Variants in CFAP69 observed in about 807,000 individuals in gnomAD.
CFAP69 encodes the protein cilia and flagella associated protein 69.
Under a neutral mutation model 123.0 loss-of-function variants are expected in CFAP69, and 92 were observed. The ratio of observed to expected loss-of-function variants is 0.75; its 90% CI spans 0.63 to 0.89. The LOEUF is 0.89. CFAP69 is among the 40% of genes least tolerant of loss of function. The pLI, the probability that CFAP69 is intolerant of heterozygous loss-of-function variation, is 0.00. For missense variants in CFAP69, 1,067 were observed against 1,096.9 expected (o/e 0.97, Z 0.39); for synonymous variants, 380 against 364.3 (o/e 1.04, Z -0.49).
chr7:90,271,488 G>A lies in CFAP69; in HGVS notation c.533-38G>A, dbSNP rs1364348093. 6.4e-6 allele frequency: 10 copies of A among 1,559,874 alleles called. 1 individual carries two copies. The South Asian group carries it at 7.1e-5, about 11-fold the overall frequency. On this transcript the variant is annotated intron_variant, in intron 6 of 22. Coordinates refer to ENST00000389297, the MANE Select transcript of CFAP69 (RefSeq NM_001039706.3). ...TCTTTTGTCTTAATGATCATTCTGT[G>A]AGATAACTGTATGTATTTATTAATG...
rs1584571094 is a variant in CFAP69, at chr7:90,310,358, A to T, written c.*120A>T. ...ATTTTAGTATAAATATTTTAGTAAA[A>T]TACTATAAAAATAAAAGGACATATA... On this transcript the variant is annotated 3_prime_UTR_variant, in exon 23 of 23. Coordinates refer to ENST00000389297, the MANE Select transcript of CFAP69 (RefSeq NM_001039706.3). 2.0e-6 allele frequency: 1 copy of T among 492,126 alleles called. No individual in the cohort carries two copies. Among genetic ancestry groups the T allele is most frequent in the South Asian group, 8.4e-5 (1 of 11,974 alleles). 30.5% of individuals were successfully genotyped at this position (492,126 alleles called of 1,614,324 possible).
At chr7:90,279,523 T>C (rs1173489319) in intron 11 of CFAP69, among the ~76,000 whole-genome samples, 154 bp from the exon 12 acceptor site, 3 of 151,902 alleles carry the variant, frequency 2.0e-5, no homozygotes, top group Non-Finnish European at 4.4e-5. Flanking sequence ...TTTGGTGTTT[T>C]TTTTTTGGTA....
chr7:90,258,378 C>G (rs1797902521), intron 3 of CFAP69, among the ~76,000 whole-genome samples: 1 of 152,130 alleles, frequency 6.6e-6, no homozygotes. Flanking sequence ...GCTGGTTTCT[C>G]CTGAAGACTC....
rs772091291 is a variant in CFAP69 at position 90,310,167 on chromosome 7, C to A, written c.2755C>A (p.Arg919=). Residue 919 remains arginine, a synonymous_variant, in exon 23 of 23, where the codon CGA becomes AGA. Transcript: ENST00000389297. ...TATTGCTCTTAAAAAACTGCCCATT[C>A]GAGGAGGAGCCTTGCAGAGGGTGAA... The part of the protein sequence containing the change: ...TDIALKKLPI[R]GGALQRVKAV... The A allele has an allele frequency of 6.2e-7, 1 of 1,613,842 alleles. No individual in the cohort carries two copies. Among genetic ancestry groups the A allele is most frequent in the Non-Finnish European group, 8.5e-7 (1 of 1,179,882 alleles).
rs1170634374 is a variant in CFAP69 at position 90,255,408 on chromosome 7, T to G, written c.121-15T>G. 1.2e-6 allele frequency: 2 copies of G among 1,602,532 alleles called. No individual in the cohort carries two copies. The highest frequency in any genetic ancestry group is 2.2e-5 in the East Asian group (1 of 44,690). On this transcript the variant is annotated splice_polypyrimidine_tract_variant and intron_variant, in intron 1 of 22. Coordinates refer to ENST00000389297, the MANE Select transcript of CFAP69 (RefSeq NM_001039706.3). ...AGAAGATGATCTAGAATAGTAAGAG[T>G]TGTATGTTTTTTAGGATGTTTTCAA...
intron 1 of CFAP69, among the ~76,000 whole-genome samples, chr7:90,248,128 C>T (rs985833851): frequency 1.4e-4 from 21 of 152,176 alleles, no homozygotes; most frequent in African/African-American, 4.8e-4. Flanking sequence ...ATGCAGATTT[C>T]GGTCTGCTCA....
chr7:90,292,549 T>C (rs1297454426), intron 15 of CFAP69, among the ~76,000 whole-genome samples: 1 of 152,232 alleles, frequency 6.6e-6, no homozygotes, highest in African/African-American at 2.4e-5. Context: ...TGCAAATACC[T>C]ATATTGCCAT....
chr7:90,288,306 G>T lies in CFAP69; in HGVS notation c.1729G>T (p.Gly577Cys). 6.2e-7 allele frequency: 1 copy of T among 1,612,146 alleles called. No individual in the cohort carries two copies. Among genetic ancestry groups the T allele is most frequent in the Non-Finnish European group, 8.5e-7 (1 of 1,178,672 alleles). The change falls in exon 15 of 23, where the codon GGC (glycine) becomes TGC (cysteine). Residue 577 changes from glycine (G) to cysteine (C), a missense_variant. By Grantham distance (159) the Gly-to-Cys change is radical. Coordinates refer to ENST00000389297, the MANE Select transcript of CFAP69 (RefSeq NM_001039706.3). ...AACAGACCCCAGGAAGTTACAGAGT[G>T]GCTTAGGCTATAATGTACTTCTTTT... ...MKTDPRKLQS[G>C]LGYNVLLFST...
At chr7:90,302,270 T>C (rs1273259593) in intron 17 of CFAP69, 1 of 152,236 alleles carries the variant, frequency 6.6e-6, no homozygotes, top group Non-Finnish European at 1.5e-5. Flanking sequence ...ATTCTGTTGG[T>C]TGGCTTTTCA....
At chr7:90,309,395 T>C in intron 22 of CFAP69, 28 bp downstream of exon 22, 2 of 1,250,556 alleles carry the variant, frequency 1.6e-6, no homozygotes, top group East Asian at 4.8e-5. Context: ...TAACATTTTC[T>C]TAATAGACAT....
At chr7:90,318,019 C>T in the CFAP69 span, 1 of 152,294 alleles carries the variant, frequency 6.6e-6, no homozygotes, top group African/African-American at 2.4e-5. Flanking sequence ...GCATGTGAAT[C>T]TTGAAACTGT....
intron 5 of CFAP69, among the ~76,000 whole-genome samples, chr7:90,266,326 C>T (rs1366090868): frequency 6.6e-6 from 1 of 151,916 alleles, no homozygotes; most frequent in Non-Finnish European, 1.5e-5. Flanking sequence ...TTAGGTTAAA[C>T]ATGAAGGGGG....
chr7:90,254,077 C>A (rs1045033946), intron 1 of CFAP69, among the ~76,000 whole-genome samples: 1 of 152,074 alleles, frequency 6.6e-6, no homozygotes, highest in Non-Finnish European at 1.5e-5. Flanking sequence ...TTCCTGACAC[C>A]ATTTATTGAA....
chr7:90,307,713 CAAAA>C, intron 20 of CFAP69, 51 bp from the exon 21 acceptor site: 1 of 986,176 alleles, frequency 1.0e-6, no homozygotes, highest in Non-Finnish European at 1.4e-6. Flanking sequence ...GGTTCTGTCT[CAAAA>C]AAAAAAAAGA....
intron 12 of CFAP69, among the ~76,000 whole-genome samples, chr7:90,280,894 T>C (rs1789388640): frequency 6.6e-6 from 1 of 152,238 alleles, no homozygotes; most frequent in Non-Finnish European, 1.5e-5. Context: ...GGCTTTTTAT[T>C]CTCTAGTTTC....
At chr7:90,297,382 C>T (rs1276674569) in intron 15 of CFAP69, among the ~76,000 whole-genome samples, 1 of 152,004 alleles carries the variant, frequency 6.6e-6, no homozygotes, top group Non-Finnish European at 1.5e-5. Context: ...GGTTGGGGGG[C>T]TTAGAATTTT....
In CFAP69 at chr7:90,279,802, G is replaced by A; in HGVS notation, c.1281G>A (p.Leu427=). The change falls in exon 12 of 23, where the codon TTG becomes TTA. Residue 427 remains leucine (L), a synonymous_variant. Coordinates refer to ENST00000389297, the MANE Select transcript of CFAP69 (RefSeq NM_001039706.3). Reference sequence around the variant, plus strand: ...TACAACTGCATGCAATTGCCACTTTGTCATCAGTGGCTCCTTTATTAATAG... The same window carrying A: ...TACAACTGCATGCAATTGCCACTTTATCATCAGTGGCTCCTTTATTAATAG... The part of the protein sequence containing the change: ...EELQLHAIAT[L]SSVAPLLIEE... The A allele has an allele frequency of 1.9e-6, 3 of 1,612,610 alleles. No homozygotes were observed. Among genetic ancestry groups the A allele is most frequent in the Non-Finnish European group, 2.5e-6 (3 of 1,179,562 alleles).
chr7:90,268,428 A>G, intron 6 of CFAP69, 44 bp downstream of exon 6: 1 of 1,328,270 alleles, frequency 7.5e-7, no homozygotes, highest in South Asian at 1.2e-5. Flanking sequence ...GTGTATGTAG[A>G]AAACAGAACA....
At chr7:90,318,931 T>C in the CFAP69 span, 4 of 153,458 alleles carry the variant, frequency 2.6e-5, no homozygotes, top group African/African-American at 9.6e-5. Flanking sequence ...AAAGAAGAAA[T>C]TGTTAATATT....
Sources: allele counts gnomAD v4.1 joint callset (sites outside exome capture counted in the v4.1 genomes callset), GRCh38; gene constraint gnomAD v4.1.1; transcripts MANE v1.5; gene names NCBI Gene and HGNC (gene_info 2026-07-23, HGNC 2026-07-21).